FNDC5: variants seen among roughly 807,000 people sequenced by gnomAD.
FNDC5 encodes fibronectin type III domain-containing protein 5.
A neutral mutation model predicts 24.6 loss-of-function variants in FNDC5; 10 were observed. The ratio of observed to expected loss-of-function variants is 0.41; its 90% CI spans 0.25 to 0.69. The LOEUF (loss-of-function observed/expected upper bound fraction) is 0.69. FNDC5 is among the 30% of genes least tolerant of loss of function. The pLI is 0.34. For synonymous variants in FNDC5, 90 were observed against 110.7 expected (o/e 0.81, Z 1.18); for missense variants, 226 against 282.9 (o/e 0.80, Z 1.44).
At position 32,862,283 on chromosome 1, in the gene FNDC5, CTT is replaced by C. The variant is rs1640983653; in HGVS notation, c.*2009_*2010del. On this transcript the variant is annotated 3_prime_UTR_variant, in exon 6 of 6. Transcript: ENST00000373471. ...GACAAGGATGTGCCTTTTCATTTGTCTTTTTATTTTACATTTAAAAAGTGGTT... is the reference window on the plus strand; with the variant it reads ...GACAAGGATGTGCCTTTTCATTTGTCTTTATTTTACATTTAAAAAGTGGTT... 1 of 152,644 alleles carries C rather than the reference CTT, an allele frequency of 6.6e-6. No individual in the cohort carries two copies. The highest frequency in any genetic ancestry group is 1.5e-5 in the Non-Finnish European group (1 of 68,044). The allele number at this position is 152,644 out of a possible 1,614,324, so 9.5% of individuals were successfully genotyped here.
In FNDC5 at chr1:32,864,825, G is replaced by T. The variant is rs764085437; in HGVS notation, c.500-28C>A. ...GAGGGGGGACAAGTGAGCAGTCAGA[G>T]GCCAGAGCCTGGGTTCCTGCCTCCC... On this transcript the variant is annotated intron_variant, in intron 4 of 5. Transcript: ENST00000373471. 4 of 1,612,756 alleles carry T rather than the reference G, an allele frequency of 2.5e-6. 1 individual carries two copies. In the Admixed American group the frequency reaches 5.0e-5, roughly 20 times the overall value.
Position 32,864,085 on chromosome 1 carries a change from G to T in FNDC5, c.*209C>A. The T allele has an allele frequency of 6.7e-7, 1 of 1,491,530 alleles. No individual in the cohort carries two copies. The highest frequency in any genetic ancestry group is 1.3e-5 in the South Asian group (1 of 74,778). The allele number at this position is 1,491,530 out of a possible 1,614,324, so 92.4% of individuals were successfully genotyped here. On this transcript the variant is annotated 3_prime_UTR_variant, in exon 6 of 6. Transcript: ENST00000373471. ...TGCAGCCTCAGCCACTGACATTGTTGAGGTGCTTCTGGAGATGGGAGTTAA... is the reference window on the plus strand; with the variant it reads ...TGCAGCCTCAGCCACTGACATTGTTTAGGTGCTTCTGGAGATGGGAGTTAA...
rs192675355 is a variant in FNDC5 at position 32,863,487 on chromosome 1, G to A, written c.*807C>T. 2.9e-6 allele frequency: 1 copy of A among 345,990 alleles called. No homozygotes were observed. Among genetic ancestry groups the A allele is most frequent in the East Asian group, 7.4e-5 (1 of 13,454 alleles). 21.4% of individuals were successfully genotyped at this position (345,990 alleles called of 1,614,324 possible). ...TCCAGGAGAGGCGAGGAGGCAGAAG[G>A]CTGTGTCTCATGCAGCTTTGCCTTT... On this transcript the variant is annotated 3_prime_UTR_variant, in exon 6 of 6. Coordinates refer to ENST00000373471, the MANE Select transcript of FNDC5 (RefSeq NM_153756.3).
chr1:32,870,609 A>G (rs1323930146), intron 1 of FNDC5, 44 bp downstream of exon 1: 2 of 1,137,640 alleles, frequency 1.8e-6, no homozygotes, highest in African/African-American at 1.6e-5. Context: ...TGGGCTCGAG[A>G]GGAGCCTGCC....
In FNDC5 at chr1:32,870,856, T is replaced by TCCGGCCGCC. The variant is rs1265654975; in HGVS notation, c.-119_-111dup. ...CCCCCGGCCCGGCCGGCCCGGCCGCTCCGGCCGCCCTGCGCCGCCCCGAGC... is the reference window on the plus strand; with the variant it reads ...CCCCCGGCCCGGCCGGCCCGGCCGCTCCGGCCGCCCCGGCCGCCCTGCGCCGCCCCGAGC... On this transcript the variant is annotated 5_prime_UTR_variant, in exon 1 of 6. Coordinates refer to ENST00000373471, the MANE Select transcript of FNDC5 (RefSeq NM_153756.3). 9.8e-5 allele frequency: 19 copies of TCCGGCCGCC among 194,392 alleles called. No individual in the cohort carries two copies. Among genetic ancestry groups the TCCGGCCGCC allele is most frequent in the African/African-American group, 3.5e-4 (14 of 39,650 alleles). The allele number at this position is 194,392 out of a possible 1,614,324, so 12.0% of individuals were successfully genotyped here. A position where few individuals can be genotyped will look rare whatever the true frequency, so the allele number is the denominator to read the frequency against.
chr1:32,868,245 C>A lies in FNDC5; in HGVS notation c.354G>T (p.Glu118Asp), dbSNP rs1425204297. The A allele has an allele frequency of 1.9e-6, 3 of 1,614,216 alleles. No homozygotes were observed. Among genetic ancestry groups the A allele is most frequent in the African/African-American group, 1.3e-5 (1 of 75,060 alleles). Residue 118 changes from glutamate to aspartate, a missense_variant, in exon 3 of 6, where the codon GAG becomes GAT. Transcript: ENST00000373471. The surrounding 1 kb of genome is among the most constrained non-coding windows in gnomAD (Gnocchi z 4.8). ...CACGCGGGGTCTTGAAGAGCACAGG[C>A]TCGCTGGCTGGGCTCTGGCCCTGAA...
intron 5 of FNDC5, 77 bp from the exon 6 acceptor site, chr1:32,864,376 A>G: frequency 6.3e-7 from 1 of 1,593,198 alleles, no homozygotes. Context: ...AGGAGCAGGA[A>G]TGGGCCAGAC....
At chr1:32,869,422 C>A (rs1473107840) in intron 1 of FNDC5, among the ~76,000 whole-genome samples, 2 of 152,244 alleles carry the variant, frequency 1.3e-5, no homozygotes, top group Non-Finnish European at 2.9e-5. Flanking sequence ...CTGCCCTGTC[C>A]AATGAGTGAC....
At chr1:32,864,507 T>C in intron 5 of FNDC5, 157 bp downstream of exon 5, 1 of 1,496,782 alleles carries the variant, frequency 6.7e-7, no homozygotes, top group Non-Finnish European at 8.9e-7. Flanking sequence ...GGATCCAAAA[T>C]CAACTTGCAG....
chr1:32,868,115 C>T lies in FNDC5; in HGVS notation c.409+75G>A. 1.9e-6 allele frequency: 3 copies of T among 1,547,448 alleles called. No homozygotes were observed. The highest frequency in any genetic ancestry group is 1.4e-5 in the African/African-American group (1 of 73,946). On this transcript the variant is annotated intron_variant, in intron 3 of 5. Transcript: ENST00000373471. The surrounding 1 kb of genome is among the most constrained non-coding windows in gnomAD (Gnocchi z 4.8). ...ATAAGGGGGAGGAGACAGAGCTTTC[C>T]TCAAGCCACCCACTGGTCTGGTCCT... is the stretch of plus-strand genomic sequence containing the variant.
At chr1:32,869,418 T>A (rs894904460) in intron 1 of FNDC5, among the ~76,000 whole-genome samples, 2 of 152,264 alleles carry the variant, frequency 1.3e-5, no homozygotes, top group East Asian at 3.8e-4. Context: ...AATACTGCCC[T>A]GTCCAATGAG....
chr1:32,870,086 G>A lies in FNDC5; in HGVS notation c.94+567C>T, dbSNP rs190767919. 3.5e-3 allele frequency among the ~76,000 whole-genome samples: 527 copies of A among 152,254 alleles called. 6 individuals carry two copies. Among genetic ancestry groups the A allele is most frequent in the Non-Finnish European group, 4.7e-3 (321 of 67,998 alleles). The stretch of plus-strand genomic sequence containing the variant: ...GAGATGAGCCGGGCAGCGGCAGCCA[G>A]GAGGGACAAAGACAGAGTGGCAGGA... On this transcript the variant is annotated intron_variant, in intron 1 of 5. Transcript: ENST00000373471.
At position 32,870,738 on chromosome 1, in the gene FNDC5, G is replaced by A. The variant is rs1641166384; in HGVS notation, c.9C>T (p.Pro3=). ...GGGGCGGCCAGGCGCTCGGCGACCC[G>A]GGGTGTATGGTGGCTCCTCCGGCCG... The change falls in exon 1 of 6, where the codon CCC becomes CCT. Residue 3 remains proline, a synonymous_variant. Coordinates refer to ENST00000373471, the MANE Select transcript of FNDC5 (RefSeq NM_153756.3). The A allele has an allele frequency of 3.5e-6, 4 of 1,155,756 alleles. No homozygotes were observed. Among genetic ancestry groups the A allele is most frequent in the East Asian group, 4.0e-5 (1 of 25,254 alleles). 71.6% of individuals were successfully genotyped at this position (1,155,756 alleles called of 1,614,324 possible).
At chr1:32,864,499 A>G (rs1451092591) in intron 5 of FNDC5, 165 bp downstream of exon 5, 4 of 1,487,750 alleles carry the variant, frequency 2.7e-6, no homozygotes, top group Non-Finnish European at 2.7e-6. Flanking sequence ...AAAGGAGAGG[A>G]TCCAAAATCA....
Position 32,864,313 on chromosome 1 carries a change from G to A in FNDC5, c.634-14C>T, listed in dbSNP as rs746885246. 4 of 1,614,040 alleles carry A rather than the reference G, an allele frequency of 2.5e-6. No homozygotes were observed. Among genetic ancestry groups the A allele is most frequent in the Non-Finnish European group, 3.4e-6 (4 of 1,179,920 alleles). On this transcript the variant is annotated splice_polypyrimidine_tract_variant and intron_variant, in intron 5 of 5. Coordinates refer to ENST00000373471, the MANE Select transcript of FNDC5 (RefSeq NM_153756.3). ...AGGTTTTCATATCTGTTTTACAGAA[G>A]AGGAAATGAAGGTACAGCGGTAAAG...
rs1417099433 is a variant in FNDC5 at position 32,863,002 on chromosome 1, G to A, written c.*1292C>T. ...CTTCCAGCAGCTTCTACTCCAGAAG[G>A]GGTGTTTTGGTAGCCCCCAGAATGC... On this transcript the variant is annotated 3_prime_UTR_variant, in exon 6 of 6. Coordinates refer to ENST00000373471, the MANE Select transcript of FNDC5 (RefSeq NM_153756.3). 6.5e-6 allele frequency: 1 copy of A among 152,778 alleles called. No homozygotes were observed. The highest frequency in any genetic ancestry group is 2.4e-5 in the African/African-American group (1 of 41,462). The allele number at this position is 152,778 out of a possible 1,614,324, so 9.5% of individuals were successfully genotyped here. A position where few individuals can be genotyped will look rare whatever the true frequency, so the allele number is the denominator to read the frequency against.
chr1:32,868,739 A>T lies in FNDC5; in HGVS notation c.210+143T>A, dbSNP rs765046109. ...GAATGGGGCCCCAATTTTCAGACAT[A>T]TGTCCAAATTGCTGTTCATCTCCCT... On this transcript the variant is annotated intron_variant, in intron 2 of 5. Coordinates refer to ENST00000373471, the MANE Select transcript of FNDC5 (RefSeq NM_153756.3). The surrounding 1 kb of genome is among the most constrained non-coding windows in gnomAD (Gnocchi z 4.8). The T allele has an allele frequency of 1.7e-6, 1 of 578,674 alleles. No individual in the cohort carries two copies. Among genetic ancestry groups the T allele is most frequent in the East Asian group, 3.1e-5 (1 of 32,682 alleles). 35.8% of individuals were successfully genotyped at this position (578,674 alleles called of 1,614,324 possible).
Position 32,864,521 on chromosome 1 carries a change from C to G in FNDC5, c.633+143G>C, listed in dbSNP as rs905403374. 6 of 1,532,066 alleles carry G rather than the reference C, an allele frequency of 3.9e-6. No individual in the cohort carries two copies. The African/African-American group carries it at 8.3e-5, about 21-fold the overall frequency. 94.9% of individuals were successfully genotyped at this position (1,532,066 alleles called of 1,614,324 possible). On this transcript the variant is annotated intron_variant, in intron 5 of 5. Coordinates refer to ENST00000373471, the MANE Select transcript of FNDC5 (RefSeq NM_153756.3). Reference sequence around the variant, plus strand: ...AGGATCCAAAATCAACTTGCAGTGTCCCTGTGTCACACAGGCAGCAGCCAA... The same window carrying G: ...AGGATCCAAAATCAACTTGCAGTGTGCCTGTGTCACACAGGCAGCAGCCAA...
intron 4 of FNDC5, among the ~76,000 whole-genome samples, chr1:32,866,308 A>G (rs1641069704): frequency 6.6e-6 from 1 of 152,012 alleles, no homozygotes; most frequent in African/African-American, 2.4e-5. Context: ...GTGCCTAAGG[A>G]GCATTTTTTT....
Sources: gnomAD v4.1 joint callset for allele counts (sites outside exome capture counted in the v4.1 genomes callset) on GRCh38, gnomAD v4.1.1 for gene constraint, Gnocchi (gnomAD v3.1) non-coding constraint, MANE v1.5 for transcripts, NCBI Gene and HGNC (gene_info 2026-07-23, HGNC 2026-07-21) for gene names.